The following GATC variants were observed in gnomAD, a reference collection of about 807,000 sequenced individuals.
The protein encoded by GATC is glutamyl-tRNA(Gln) amidotransferase subunit C, mitochondrial.
GATC carries 11 observed loss-of-function variants against 14.4 expected under a neutral mutation model. That is an observed-to-expected ratio of 0.77 (90% CI 0.48 to 1.27). The LOEUF (loss-of-function observed/expected upper bound fraction) is 1.27, where lower values mean the gene tolerates loss of function less well. Among genes scored for constraint, GATC ranks in the 50% most tolerant of loss-of-function variants. The probability of loss-of-function intolerance (pLI) is 0.00; values close to 1 mark genes in which losing one functional copy is unlikely to be tolerated. For synonymous variants in GATC, 76 were observed against 79.3 expected, an observed-to-expected ratio of 0.96 and a Z score of 0.22; for missense variants, 204 against 183.0, an observed-to-expected ratio of 1.11 and a Z score of -0.66.
chr12:120,462,037 A>C lies in GATC; in HGVS notation c.*2078A>C. ...ACCTGTCTCAGTAGGGCCTGAAAGG[A>C]GAGAAGTAGTGTGGGGAACCCCTGC... On this transcript the variant is annotated 3_prime_UTR_variant, in exon 4 of 4. Coordinates refer to ENST00000551765, the MANE Select transcript of GATC (RefSeq NM_176818.3). 6.2e-7 allele frequency: 1 copy of C among 1,611,420 alleles called. No individual in the cohort carries two copies. Among genetic ancestry groups the C allele is most frequent in the African/African-American group, 1.3e-5 (1 of 74,956 alleles).
chr12:120,451,052 G>C (rs1413707674), intron 2 of GATC, among the ~76,000 whole-genome samples: 1 of 145,114 alleles, frequency 6.9e-6, no homozygotes, highest in Non-Finnish European at 1.5e-5. Context: ...GCTGAGGCAG[G>C]AGAATTGCTT....
rs1460367313 is a variant in GATC, at chr12:120,446,527, G to A, written c.47G>A (p.Gly16Glu). The change falls in exon 1 of 4, where the codon GGG (glycine) becomes GAG (glutamate). Residue 16 changes from glycine to glutamate, a missense_variant. By Grantham distance (98) the Gly-to-Glu change is moderately conservative. Transcript: ENST00000551765. ...CTGGGCCTTCGGGCCCCTCTGGGCG[G>A]GCGCCAGGGCTTCACCTCCAAGGCG... ...VWLGLRAPLG[G>E]RQGFTSKADP... 1 of 1,602,954 alleles carries A rather than the reference G, an allele frequency of 6.2e-7. No homozygotes were observed. Among genetic ancestry groups the A allele is most frequent in the South Asian group, 1.1e-5 (1 of 90,638 alleles).
chr12:120,452,104 T>C (rs1412909671), intron 2 of GATC, among the ~76,000 whole-genome samples: 1 of 152,074 alleles, frequency 6.6e-6, no homozygotes, highest in Non-Finnish European at 1.5e-5. Context: ...CTTGAACTCC[T>C]GACCTCAGGT....
In GATC at chr12:120,463,123, T is replaced by G. The variant is rs1260461632; in HGVS notation, c.*3164T>G. Reference sequence around the variant, plus strand: ...GGACAGGATAACCAGAAAAAAACAATGTCCAACTGGTCTGGTTTCTGGTCT... The same window carrying G: ...GGACAGGATAACCAGAAAAAAACAAGGTCCAACTGGTCTGGTTTCTGGTCT... On this transcript the variant is annotated 3_prime_UTR_variant, in exon 4 of 4. Coordinates refer to ENST00000551765, the MANE Select transcript of GATC (RefSeq NM_176818.3). 2.9e-5 allele frequency: 2 copies of G among 68,784 alleles called. No homozygotes were observed. The highest frequency in any genetic ancestry group is 4.0e-4 in the South Asian group (1 of 2,484). The allele number at this position is 68,784 out of a possible 1,614,324, so 4.3% of individuals were successfully genotyped here.
At chr12:120,459,137 G>A (rs1878261410) in intron 3 of GATC, among the ~76,000 whole-genome samples, 1 of 152,114 alleles carries the variant, frequency 6.6e-6, no homozygotes, top group Non-Finnish European at 1.5e-5. Flanking sequence ...GGGATTACAG[G>A]TGTGAGCCAC....
rs921342967 is a variant in GATC, at chr12:120,452,212, G to A, written c.255-4864G>A. 3.3e-5 allele frequency among the ~76,000 whole-genome samples: 5 copies of A among 152,064 alleles called. No homozygotes were observed. The East Asian group carries it at 9.7e-4, about 30-fold the overall frequency. ...CAATTTTCACATGCAGTCCTGGAAG[G>A]TCAATACAAGTTATCTATTTTATAT... On this transcript the variant is annotated intron_variant, in intron 2 of 3. Transcript: ENST00000551765.
At position 120,461,943 on chromosome 12, in the gene GATC, A is replaced by T; in HGVS notation, c.*1984A>T. 7.3e-7 allele frequency: 1 copy of T among 1,369,470 alleles called. No individual in the cohort carries two copies. The highest frequency in any genetic ancestry group is 9.6e-7 in the Non-Finnish European group (1 of 1,043,820). 84.8% of individuals were successfully genotyped at this position (1,369,470 alleles called of 1,614,324 possible). On this transcript the variant is annotated 3_prime_UTR_variant, in exon 4 of 4. Coordinates refer to ENST00000551765, the MANE Select transcript of GATC (RefSeq NM_176818.3). ...AAATTTCCTAAGACACTAAATCCTC[A>T]ATCTGGAATGTAGATTCTGAGCACA... is the stretch of plus-strand genomic sequence containing the variant.
Position 120,462,183 on chromosome 12 carries a change from A to G in GATC, c.*2224A>G, listed in dbSNP as rs1277563802. On this transcript the variant is annotated 3_prime_UTR_variant, in exon 4 of 4. Transcript: ENST00000551765. ...TCACCCTGAAATGCAAACAAAAACA[A>G]AAAGAGTAAAGGGGAAAAAAATCAG... 1 of 1,595,556 alleles carries G rather than the reference A, an allele frequency of 6.3e-7. No individual in the cohort carries two copies. The highest frequency in any genetic ancestry group is 8.5e-7 in the Non-Finnish European group (1 of 1,170,964).
chr12:120,446,486 GT>G lies in GATC; in HGVS notation c.7del (p.Ser3ArgfsTer34). On this transcript the variant is annotated frameshift_variant, in exon 1 of 4. Transcript: ENST00000551765. LOFTEE classifies it high-confidence loss of function. ...GGGGGCCAAGGAAGGAAGAAATGTG[GT>G]CGCGGTTGGTGTGGCTGGGCCTTCG... Reference protein sequence around the residue: MWSRLVWLGLRAP... With the variant: MWXRLVWLGLRAP... 1 of 1,607,428 alleles carries G rather than the reference GT, an allele frequency of 6.2e-7. No individual in the cohort carries two copies. Among genetic ancestry groups the G allele is most frequent in the Non-Finnish European group, 8.5e-7 (1 of 1,175,944 alleles).
At chr12:120,454,969 ACT>A (rs1311132108) in intron 2 of GATC, 1 of 451,020 alleles carries the variant, frequency 2.2e-6, no homozygotes, top group Admixed American at 2.4e-5. Context: ...CTCACTACAA[ACT>A]CTGCTTCCTA....
At chr12:120,458,217 T>C (rs1878238048) in intron 3 of GATC, among the ~76,000 whole-genome samples, 1 of 151,246 alleles carries the variant, frequency 6.6e-6, no homozygotes, top group Non-Finnish European at 1.5e-5. Context: ...GCCTGCCGAG[T>C]AGCTGGGATT....
intron 2 of GATC, among the ~76,000 whole-genome samples, chr12:120,451,494 C>A (rs1309928796): frequency 6.6e-6 from 1 of 151,892 alleles, no homozygotes; most frequent in Non-Finnish European, 1.5e-5. Flanking sequence ...GTAATCCCAG[C>A]ACTTTGGGAG....
chr12:120,447,216 CA>C (rs1353305004), intron 2 of GATC, among the ~76,000 whole-genome samples: 1 of 151,978 alleles, frequency 6.6e-6, no homozygotes, highest in African/African-American at 2.4e-5. Flanking sequence ...GCTGGGATTA[CA>C]GGCGACTGCC....
At chr12:120,457,571 A>G (rs937403891) in intron 3 of GATC, among the ~76,000 whole-genome samples, 1 of 151,670 alleles carries the variant, frequency 6.6e-6, no homozygotes, top group African/African-American at 2.4e-5. Context: ...GCTGGGTACC[A>G]CAAAAAAACC....
At chr12:120,456,578 T>G (rs1038956708) in intron 2 of GATC, among the ~76,000 whole-genome samples, 1 of 152,318 alleles carries the variant, frequency 6.6e-6, no homozygotes, top group South Asian at 2.1e-4. Context: ...CTCTCGGCTC[T>G]ATTGCTTTGG....
intron 2 of GATC, chr12:120,454,905 TGA>T: frequency 2.8e-6 from 1 of 353,068 alleles, no homozygotes; most frequent in Non-Finnish European, 6.0e-6. Flanking sequence ...TGTGTGTGTG[TGA>T]GACACTGTCT....
At chr12:120,451,872 A>ATTTTTTTTTTTTTTT (rs1555219520) in intron 2 of GATC, among the ~76,000 whole-genome samples, 17 of 88,124 alleles carry the variant, frequency 1.9e-4, no homozygotes, top group African/African-American at 6.0e-4. Flanking sequence ...AATTATATAA[A>ATTTTTTTTTTTTTTT]TTCTTTTTTT....
intron 2 of GATC, among the ~76,000 whole-genome samples, chr12:120,455,523 CA>C (rs1878159945): frequency 6.6e-6 from 1 of 151,836 alleles, no homozygotes; most frequent in Non-Finnish European, 1.5e-5. Flanking sequence ...CTGAAAAGAT[CA>C]TACTTGTTCA....
At chr12:120,448,642 C>CAT in intron 2 of GATC, among the ~76,000 whole-genome samples, 1 of 87,466 alleles carries the variant, frequency 1.1e-5, no homozygotes, top group African/African-American at 5.1e-5. Flanking sequence ...AAGTCCATTC[C>CAT]TTTTTTTTTT....
Sources: gnomAD v4.1 joint callset for allele counts (sites outside exome capture counted in the v4.1 genomes callset) on GRCh38, gnomAD v4.1.1 for gene constraint, MANE v1.5 for transcripts, NCBI Gene and HGNC (gene_info 2026-07-23, HGNC 2026-07-21) for gene names.